GRID2: variants seen among roughly 807,000 people sequenced by gnomAD.
The protein encoded by GRID2 is glutamate ionotropic receptor delta type subunit 2.
A neutral mutation model predicts 114.8 loss-of-function variants in GRID2; 33 were observed. That is an observed-to-expected ratio of 0.29 (90% confidence interval 0.22 to 0.38). GRID2 has a LOEUF of 0.38. GRID2 is among the 10% of genes least tolerant of loss of function. The probability of loss-of-function intolerance (pLI) is 1.00; values close to 1 mark genes in which losing one functional copy is unlikely to be tolerated. For synonymous variants in GRID2, 505 were observed against 449.9 expected (o/e 1.12, Z -1.55); for missense variants, 1,184 against 1,257.7 (o/e 0.94, Z 0.89).
At chr4:93,015,250 A>T (rs1353482648) in intron 2 of GRID2, among the ~76,000 whole-genome samples, 1 of 152,120 alleles carries the variant, frequency 6.6e-6, no homozygotes, top group Non-Finnish European at 1.5e-5. Context: ...TCTGGCATAG[A>T]CTAGATAGAT....
intron 2 of GRID2, among the ~76,000 whole-genome samples, chr4:92,653,731 T>A (rs1007526840): frequency 6.6e-6 from 1 of 152,110 alleles, no homozygotes; most frequent in African/African-American, 2.4e-5. Flanking sequence ...GGGAACAACA[T>A]CTTCACTATT....
intron 8 of GRID2, among the ~76,000 whole-genome samples, chr4:93,355,749 G>A (rs1761273626): frequency 6.6e-6 from 1 of 152,032 alleles, no homozygotes; most frequent in Admixed American, 6.6e-5. Context: ...AGAGAGCTCT[G>A]CAGGACCTCG....
chr4:92,778,299 T>C lies in GRID2; in HGVS notation c.244+188013T>C, dbSNP rs117721548. ...TTTTGAATGATGTTTGCCTTTTAAT[T>C]TCTTCTACTGGCCTGTAAACTTTTT... On this transcript the variant is annotated intron_variant, in intron 2 of 15. Coordinates refer to ENST00000282020, the MANE Select transcript of GRID2 (RefSeq NM_001510.4). Among the ~76,000 whole-genome samples the C allele has an allele frequency of 1.8e-4, 28 of 152,278 alleles. No homozygotes were observed. The East Asian group carries it at 4.8e-3, about 26-fold the overall frequency.
intron 4 of GRID2, among the ~76,000 whole-genome samples, chr4:93,121,084 T>G (rs1489147380): frequency 6.6e-6 from 1 of 152,072 alleles, no homozygotes; most frequent in Non-Finnish European, 1.5e-5. Context: ...ATCCCAGAAC[T>G]TAAAGTATAA....
chr4:92,968,067 T>C (rs934291397), intron 2 of GRID2, among the ~76,000 whole-genome samples: 7 of 151,816 alleles, frequency 4.6e-5, no homozygotes, highest in Non-Finnish European at 1.0e-4. Flanking sequence ...AAAAACATTT[T>C]GGAGTATAAT....
At chr4:92,487,406 G>A (rs550547392) in intron 1 of GRID2, among the ~76,000 whole-genome samples, 1 of 151,792 alleles carries the variant, frequency 6.6e-6, no homozygotes, top group South Asian at 2.1e-4. Context: ...TACTCGTGCT[G>A]AAAAATGAAT....
chr4:92,339,346 C>T (rs2110159228), intron 1 of GRID2, among the ~76,000 whole-genome samples: 1 of 152,202 alleles, frequency 6.6e-6, no homozygotes, highest in South Asian at 2.1e-4. Context: ...AGAGCAGCTA[C>T]TGTACTCCAT....
At chr4:92,317,190 C>T (rs1201565284) in intron 1 of GRID2, among the ~76,000 whole-genome samples, 2 of 152,160 alleles carry the variant, frequency 1.3e-5, no homozygotes, top group African/African-American at 4.8e-5. Flanking sequence ...TATTACTAAT[C>T]TATCCTCACT....
intron 5 of GRID2, among the ~76,000 whole-genome samples, chr4:93,216,110 T>C (rs1255701555): frequency 1.3e-5 from 2 of 152,150 alleles, no homozygotes; most frequent in Admixed American, 6.6e-5. Context: ...CTGATTCAGA[T>C]TGTATTAAAC....
intron 10 of GRID2, among the ~76,000 whole-genome samples, chr4:93,429,948 A>G (rs1404321754): frequency 6.6e-6 from 1 of 152,178 alleles, no homozygotes; most frequent in Admixed American, 6.5e-5. Flanking sequence ...TTTAGTAATT[A>G]TAATGCCAAT....
intron 4 of GRID2, among the ~76,000 whole-genome samples, chr4:93,133,542 A>G (rs757670666): frequency 6.6e-6 from 1 of 152,172 alleles, no homozygotes; most frequent in African/African-American, 2.4e-5. Context: ...AATTTGAGCT[A>G]TATGTTTTGA....
chr4:92,342,755 G>A (rs1357134501), intron 1 of GRID2, among the ~76,000 whole-genome samples: 1 of 152,168 alleles, frequency 6.6e-6, no homozygotes, highest in African/African-American at 2.4e-5. Flanking sequence ...CAGATTTTCA[G>A]GCAATCTGTT....
At chr4:92,449,711 A>ATATATATATATG (rs1466326075) in intron 1 of GRID2, among the ~76,000 whole-genome samples, 14 of 130,140 alleles carry the variant, frequency 1.1e-4, no homozygotes, top group African/African-American at 4.0e-4. Flanking sequence ...ATATATATAT[A>ATATATATATATG]ACACTTAAGC....
intron 2 of GRID2, among the ~76,000 whole-genome samples, chr4:92,925,961 C>A (rs1218569150): frequency 6.6e-6 from 1 of 151,960 alleles, no homozygotes; most frequent in African/African-American, 2.4e-5. Context: ...TTTGTAGTCA[C>A]TACTTACTAA....
chr4:93,233,563 G>A (rs961975157), intron 7 of GRID2, among the ~76,000 whole-genome samples: 3 of 151,850 alleles, frequency 2.0e-5, no homozygotes, highest in African/African-American at 4.8e-5. Flanking sequence ...GAGTGGTCTC[G>A]AACTCCTGAC....
intron 2 of GRID2, among the ~76,000 whole-genome samples, chr4:92,660,509 TC>T (rs1270525933): frequency 6.6e-6 from 1 of 151,212 alleles, no homozygotes; most frequent in Non-Finnish European, 1.5e-5. Context: ...TTTCCTTAGT[TC>T]CTTACCAAGC....
At chr4:92,950,528 T>C (rs926802843) in intron 2 of GRID2, among the ~76,000 whole-genome samples, 2 of 152,202 alleles carry the variant, frequency 1.3e-5, no homozygotes, top group Non-Finnish European at 2.9e-5. Flanking sequence ...ACTCCCCTGA[T>C]GCTTCATTCA....
At chr4:92,566,136 T>C (rs1198096874) in intron 1 of GRID2, among the ~76,000 whole-genome samples, 1 of 151,962 alleles carries the variant, frequency 6.6e-6, no homozygotes, top group Admixed American at 6.6e-5. Context: ...CGCAAAATTT[T>C]TGGTGAAGTA....
intron 8 of GRID2, among the ~76,000 whole-genome samples, chr4:93,354,746 A>G (rs1184634306): frequency 6.8e-6 from 1 of 146,746 alleles, no homozygotes; most frequent in Non-Finnish European, 1.5e-5. Flanking sequence ...ATTTATGTAT[A>G]TGTATATGTA....
Sources: allele counts gnomAD v4.1 joint callset (sites outside exome capture counted in the v4.1 genomes callset), GRCh38; gene constraint gnomAD v4.1.1; transcripts MANE v1.5; gene names NCBI Gene and HGNC (gene_info 2026-07-23, HGNC 2026-07-21).